Variants in PROCR observed in about 807,000 individuals in gnomAD.
The protein encoded by PROCR is endothelial protein C receptor.
A neutral mutation model predicts 24.2 loss-of-function variants in PROCR; 22 were observed. That is an observed-to-expected ratio of 0.91 (90% confidence interval 0.65 to 1.30). PROCR has a LOEUF of 1.30. Among genes scored for constraint, PROCR ranks in the 50% most tolerant of loss-of-function variants. The pLI, the probability that PROCR is intolerant of heterozygous loss-of-function variation, is 0.00. For missense variants in PROCR, 288 were observed against 307.7 expected, an observed-to-expected ratio of 0.94 and a Z score of 0.48; for synonymous variants, 137 against 139.2, an observed-to-expected ratio of 0.98 and a Z score of 0.11.
At chr20:35,213,038 G>T (rs1050306464) in intron 1 of PROCR, among the ~76,000 whole-genome samples, 1 of 152,056 alleles carries the variant, frequency 6.6e-6, no homozygotes. Context: ...ATTATTATAG[G>T]AGTCTGTTCA....
At chr20:35,190,620 T>C (rs2086165871) in intron 1 of PROCR, among the ~76,000 whole-genome samples, 1 of 152,172 alleles carries the variant, frequency 6.6e-6, no homozygotes, top group Non-Finnish European at 1.5e-5. Flanking sequence ...GAAGAGGAGA[T>C]TAGATTTGGT....
At chr20:35,182,461 C>G (rs971045335) in intron 1 of PROCR, among the ~76,000 whole-genome samples, 2 of 152,118 alleles carry the variant, frequency 1.3e-5, no homozygotes, top group Non-Finnish European at 2.9e-5. Flanking sequence ...CATAAATGTT[C>G]ACTATATCTC....
At chr20:35,193,257 C>G (rs1032228450) in intron 1 of PROCR, among the ~76,000 whole-genome samples, 8 of 151,816 alleles carry the variant, frequency 5.3e-5, no homozygotes, top group African/African-American at 1.9e-4. Context: ...CTCACTGCAA[C>G]CTCCACCTCC....
At chr20:35,209,268 A>G (rs906690077) in intron 1 of PROCR, among the ~76,000 whole-genome samples, 9 of 152,196 alleles carry the variant, frequency 5.9e-5, no homozygotes, top group Non-Finnish European at 1.3e-4. Context: ...AATGCCTTCC[A>G]GGTCTCTGGC....
intron 1 of PROCR, among the ~76,000 whole-genome samples, chr20:35,190,460 G>A (rs541248200): frequency 6.6e-6 from 1 of 151,926 alleles, no homozygotes; most frequent in East Asian, 1.9e-4. Flanking sequence ...TCACAACCTT[G>A]CCCCCTTTTC....
intron 1 of PROCR, among the ~76,000 whole-genome samples, chr20:35,214,668 G>A (rs1269421276): frequency 3.9e-4 from 55 of 142,222 alleles, no homozygotes; most frequent in African/African-American, 1.1e-3. Flanking sequence ...CAGCCTGGGC[G>A]ACAGAGCGAA....
chr20:35,176,719 A>G lies in PROCR; in HGVS notation c.623A>G (p.Tyr208Cys), dbSNP rs1179590977. The G allele has an allele frequency of 6.2e-7, 1 of 1,612,610 alleles. No homozygotes were observed. Among genetic ancestry groups the G allele is most frequent in the Non-Finnish European group, 8.5e-7 (1 of 1,179,482 alleles). Residue 208 changes from tyrosine to cysteine, a missense_variant, in exon 4 of 4, where the codon TAC becomes TGC. Physicochemically the swap from Tyr to Cys is radical, Grantham distance 194. Coordinates refer to ENST00000216968, the MANE Select transcript of PROCR (RefSeq NM_006404.5). ...GCAGGGAGCCAAACAAGCCGCTCCT[A>G]CACTTCGCTGGTCCTGGGCGTCCTG... Reference protein sequence around the residue: ...NTKGSQTSRSYTSLVLGVLVG... With the variant: ...NTKGSQTSRSCTSLVLGVLVG...
downstream of PROCR, among the ~76,000 whole-genome samples, chr20:35,179,534 G>GA (rs1174556531): frequency 9.6e-4 from 131 of 136,228 alleles, no homozygotes; most frequent in South Asian, 1.4e-3. Context: ...AACAGACCAA[G>GA]AAAAAAAAAA....
chr20:35,176,671 C>G, intron 3 of PROCR, 27 bp from the exon 4 acceptor site: 1 of 1,588,774 alleles, frequency 6.3e-7, no homozygotes. Context: ...GCCTATTCTT[C>G]GGGCTAACTC....
In PROCR at chr20:35,176,976, G is replaced by A. The variant is rs2095715; in HGVS notation, c.*163G>A. On this transcript the variant is annotated 3_prime_UTR_variant, in exon 4 of 4. Coordinates refer to ENST00000216968, the MANE Select transcript of PROCR (RefSeq NM_006404.5). ...CCCACTGAAGATTTGAGGGAGGGGA[G>A]ATGGAGAGGAGAGGTGGACAAAGTA... 3 of 1,489,222 alleles carry A rather than the reference G, an allele frequency of 2.0e-6. No homozygotes were observed. The South Asian group carries it at 3.9e-5, about 19-fold the overall frequency. The allele number at this position is 1,489,222 out of a possible 1,614,324, so 92.3% of individuals were successfully genotyped here.
At chr20:35,197,726 G>A (rs1008061176) in intron 1 of PROCR, among the ~76,000 whole-genome samples, 4 of 151,616 alleles carry the variant, frequency 2.6e-5, no homozygotes, top group African/African-American at 9.7e-5. Context: ...GGAGGCTGAG[G>A]CAGGAGAATT....
Position 35,176,219 on chromosome 20 carries a change from C to G in PROCR, c.374C>G (p.Ser125Cys), listed in dbSNP as rs1477645004. Residue 125 changes from serine to cysteine, a missense_variant, in exon 3 of 4, where the codon TCT becomes TGT. By Grantham distance (112) the Ser-to-Cys change is moderately radical (BLOSUM62 -1). Coordinates refer to ENST00000216968, the MANE Select transcript of PROCR (RefSeq NM_006404.5). ...FLGCELPPEG[S>C]RAHVFFEVAV... Reference sequence around the variant, plus strand: ...GGCTGTGAGCTGCCTCCCGAGGGCTCTAGAGCCCATGTCTTCTTCGAAGTG... The same window carrying G: ...GGCTGTGAGCTGCCTCCCGAGGGCTGTAGAGCCCATGTCTTCTTCGAAGTG... The G allele has an allele frequency of 6.2e-7, 1 of 1,614,186 alleles. No individual in the cohort carries two copies. The highest frequency in any genetic ancestry group is 1.3e-5 in the African/African-American group (1 of 75,050).
chr20:35,181,550 G>A (rs1274741150), downstream of PROCR, among the ~76,000 whole-genome samples: 3 of 152,198 alleles, frequency 2.0e-5, no homozygotes, highest in South Asian at 2.1e-4. Flanking sequence ...TGGGATTGCC[G>A]GCGTGAGCCA....
Position 35,172,102 on chromosome 20 carries a change from G to C in PROCR, c.-53G>C, listed in dbSNP as rs149337112. On this transcript the variant is annotated 5_prime_UTR_variant, in exon 1 of 4. Transcript: ENST00000216968. ...TCTTTTCCCTAGACTGCAGCCAGCG[G>C]AGCCCGCAGCCGGCCCGAGCCAGGA... 1.3e-4 allele frequency: 211 copies of C among 1,573,454 alleles called. 1 individual carries two copies. The Middle Eastern group carries it at 7.4e-3, about 55-fold the overall frequency.
intron 1 of PROCR, among the ~76,000 whole-genome samples, chr20:35,183,748 T>A (rs1359496282): frequency 6.6e-6 from 1 of 151,984 alleles, no homozygotes; most frequent in Non-Finnish European, 1.5e-5. Flanking sequence ...CATGCCCAGA[T>A]AGGAAAGATA....
At chr20:35,188,582 G>A (rs2086146782) in intron 1 of PROCR, among the ~76,000 whole-genome samples, 1 of 152,196 alleles carries the variant, frequency 6.6e-6, no homozygotes, top group Non-Finnish European at 1.5e-5. Context: ...TGAATAATGA[G>A]TGGATTCTAG....
intron 1 of PROCR, among the ~76,000 whole-genome samples, chr20:35,196,784 G>C (rs974877925): frequency 3.9e-5 from 6 of 152,154 alleles, no homozygotes; most frequent in Admixed American, 3.9e-4. Flanking sequence ...TGAAGGAAGA[G>C]CAACAGAATT....
At chr20:35,173,869 G>A (rs369539712) in intron 1 of PROCR, among the ~76,000 whole-genome samples, 3 of 152,174 alleles carry the variant, frequency 2.0e-5, no homozygotes, top group Admixed American at 6.6e-5. Context: ...AGCGGGAAGC[G>A]GCCAGAAAAG....
chr20:35,201,461 G>A (rs534328279), intron 1 of PROCR, among the ~76,000 whole-genome samples: 1 of 152,292 alleles, frequency 6.6e-6, no homozygotes, highest in East Asian at 1.9e-4. Context: ...GCCGAGGTGG[G>A]CTGATCACCT....
Sources: allele counts gnomAD v4.1 joint callset (sites outside exome capture counted in the v4.1 genomes callset), GRCh38; gene constraint gnomAD v4.1.1; transcripts MANE v1.5; gene names NCBI Gene and HGNC (gene_info 2026-07-23, HGNC 2026-07-21).